COMMD1: variants seen among roughly 807,000 people sequenced by gnomAD.
COMMD1 encodes COMM domain-containing protein 1.
COMMD1 carries 10 observed loss-of-function variants against 17.2 expected under a neutral mutation model. That is an observed-to-expected ratio of 0.58 (90% CI 0.36 to 0.99). The LOEUF (loss-of-function observed/expected upper bound fraction) is 0.99. Ranked by LOEUF, COMMD1 falls within the 50% of genes least tolerant of loss-of-function variation. COMMD1 has a pLI of 0.01. For synonymous variants in COMMD1, 97 were observed against 91.6 expected (o/e 1.06, Z -0.34); for missense variants, 270 against 231.8 (o/e 1.17, Z -1.07).
chr2:61,970,587 A>C (rs556033692), intron 1 of COMMD1, among the ~76,000 whole-genome samples: 24 of 152,358 alleles, frequency 1.6e-4, no homozygotes, highest in African/African-American at 5.8e-4. Flanking sequence ...TGTTTATTAT[A>C]GACACAGATT....
At chr2:61,930,803 G>A (rs1670446967) in intron 1 of COMMD1, among the ~76,000 whole-genome samples, 1 of 151,834 alleles carries the variant, frequency 6.6e-6, no homozygotes, top group Non-Finnish European at 1.5e-5. Flanking sequence ...AGGCAACTGA[G>A]GTAGTGTGTG....
chr2:61,941,419 G>A (rs1375965619), intron 1 of COMMD1, among the ~76,000 whole-genome samples: 2 of 152,292 alleles, frequency 1.3e-5, no homozygotes, highest in Admixed American at 1.3e-4. Context: ...TGTGGGAGGG[G>A]TACCCATGTA....
intron 1 of COMMD1, among the ~76,000 whole-genome samples, chr2:61,977,588 A>G (rs960733292): frequency 6.6e-6 from 1 of 152,106 alleles, no homozygotes; most frequent in African/African-American, 2.4e-5. Context: ...AATTGTTTCT[A>G]AAGGTATTCT....
At chr2:61,902,575 G>A (rs1034464869), upstream of COMMD1, among the ~76,000 whole-genome samples, 3 of 151,910 alleles carry the variant, frequency 2.0e-5, no homozygotes, top group Admixed American at 2.0e-4. Context: ...AAGGAAATAG[G>A]AAGAAATATA....
At chr2:61,982,041 A>G (rs901044302) in intron 1 of COMMD1, among the ~76,000 whole-genome samples, 1 of 152,156 alleles carries the variant, frequency 6.6e-6, no homozygotes, top group African/African-American at 2.4e-5. Context: ...TGGTATTTTG[A>G]TAGGGATTGC....
chr2:61,907,263 C>T (rs1231301711), intron 1 of COMMD1, among the ~76,000 whole-genome samples: 1 of 152,166 alleles, frequency 6.6e-6, no homozygotes, highest in Non-Finnish European at 1.5e-5. Flanking sequence ...TGCGCCACCA[C>T]ACCCAGCTAA....
At chr2:61,941,436 G>A (rs1373659826) in intron 1 of COMMD1, among the ~76,000 whole-genome samples, 1 of 152,156 alleles carries the variant, frequency 6.6e-6, no homozygotes, top group Non-Finnish European at 1.5e-5. Context: ...TGTAAAAGGG[G>A]CCCCTTTAGC....
At chr2:62,088,260 T>A (rs1408369073) in intron 2 of COMMD1, among the ~76,000 whole-genome samples, 1 of 152,192 alleles carries the variant, frequency 6.6e-6, no homozygotes, top group Non-Finnish European at 1.5e-5. Flanking sequence ...GTATCCATCC[T>A]CCATCCCCCA....
chr2:61,903,699 T>G (rs527611620), upstream of COMMD1, among the ~76,000 whole-genome samples: 2 of 148,224 alleles, frequency 1.3e-5, no homozygotes, highest in South Asian at 4.3e-4. Flanking sequence ...ACTACAGACA[T>G]GTGCTACCAT....
chr2:62,105,649 C>T (rs1161203782), intron 2 of COMMD1, among the ~76,000 whole-genome samples: 7 of 152,154 alleles, frequency 4.6e-5, no homozygotes, highest in Non-Finnish European at 1.5e-5. Flanking sequence ...CATGGCAAAC[C>T]CCCGTGTCTA....
chr2:61,996,285 T>A (rs1482750401), intron 1 of COMMD1, among the ~76,000 whole-genome samples: 1 of 151,660 alleles, frequency 6.6e-6, no homozygotes, highest in Non-Finnish European at 1.5e-5. Flanking sequence ...TGGAGGGTCT[T>A]GCCTTGATGT....
At chr2:61,984,752 A>T (rs1214342100) in intron 1 of COMMD1, among the ~76,000 whole-genome samples, 1 of 152,168 alleles carries the variant, frequency 6.6e-6, no homozygotes, top group African/African-American at 2.4e-5. Context: ...TGAAAATGGG[A>T]TGTTGAAGTC....
At position 62,031,771 on chromosome 2, in the gene COMMD1, G is replaced by A. The variant is rs548981264; in HGVS notation, c.462+30789G>A. 2.6e-4 allele frequency among the ~76,000 whole-genome samples: 40 copies of A among 152,320 alleles called. 1 individual carries two copies. Among genetic ancestry groups the A allele is most frequent in the African/African-American group, 9.6e-4 (40 of 41,558 alleles). On this transcript the variant is annotated intron_variant, in intron 2 of 2. Coordinates refer to ENST00000311832, the MANE Select transcript of COMMD1 (RefSeq NM_152516.4). ...TAAAAATAGCTCCACATTCTCAGGA[G>A]GAGTTGGAATTTGATCTCTAACGAA...
chr2:62,073,168 C>T (rs1444885353), intron 2 of COMMD1, among the ~76,000 whole-genome samples: 1 of 152,252 alleles, frequency 6.6e-6, no homozygotes, highest in Non-Finnish European at 1.5e-5. Context: ...TGCCACAGTG[C>T]TAACCTATTG....
chr2:62,016,174 T>G (rs1403445849), intron 2 of COMMD1, among the ~76,000 whole-genome samples: 2 of 151,578 alleles, frequency 1.3e-5, no homozygotes, highest in East Asian at 3.9e-4. Flanking sequence ...TTTTCTTTCT[T>G]TTCTTTTTGT....
rs550609369 is a variant in COMMD1 at position 61,897,021 on chromosome 2, G to A, written n.119+8179G>A. Among the ~76,000 whole-genome samples the A allele has an allele frequency of 1.3e-4, 20 of 151,898 alleles. No homozygotes were observed. In the South Asian group the frequency reaches 4.0e-3, roughly 30 times the overall value. ...ATGTTTGTGTTTTTAGTAGAGATGGGGTTTCACCATATTGGCCAGGCTGGT... is the reference window on the plus strand; with the variant it reads ...ATGTTTGTGTTTTTAGTAGAGATGGAGTTTCACCATATTGGCCAGGCTGGT... On this transcript the variant is annotated intron_variant and non_coding_transcript_variant, in intron 1 of 2. Coordinates refer to the COMMD1 transcript ENST00000472729.
chr2:62,077,361 C>T (rs1280693266), intron 2 of COMMD1, among the ~76,000 whole-genome samples: 1 of 152,038 alleles, frequency 6.6e-6, no homozygotes, highest in Non-Finnish European at 1.5e-5. Context: ...CAGGGTTAAC[C>T]ACATTAGTTG....
At chr2:62,131,236 G>A (rs1475625222) in intron 2 of COMMD1, among the ~76,000 whole-genome samples, 1 of 152,152 alleles carries the variant, frequency 6.6e-6, no homozygotes, top group African/African-American at 2.4e-5. Context: ...GTACTCCCCA[G>A]GATCACAAAG....
At chr2:61,920,372 A>C (rs1022037274) in intron 1 of COMMD1, among the ~76,000 whole-genome samples, 2 of 152,262 alleles carry the variant, frequency 1.3e-5, no homozygotes, top group African/African-American at 4.8e-5. Flanking sequence ...ACAGTACTGC[A>C]GAGAGAGTTC....
Sources: gnomAD v4.1 joint callset for allele counts (sites outside exome capture counted in the v4.1 genomes callset) on GRCh38, gnomAD v4.1.1 for gene constraint, MANE v1.5 for transcripts, NCBI Gene and HGNC (gene_info 2026-07-23, HGNC 2026-07-21) for gene names.